The following FMN1 variants were observed in gnomAD, a reference collection of about 807,000 sequenced individuals.
FMN1 encodes formin-1.
FMN1 carries 110 observed loss-of-function variants against 132.4 expected under a neutral mutation model. That is an observed-to-expected ratio of 0.83 (90% CI 0.71 to 0.97). The LOEUF (loss-of-function observed/expected upper bound fraction) is 0.97. Among genes scored for constraint, FMN1 ranks in the 50% least tolerant of loss-of-function variants. FMN1 has a pLI of 0.00. For synonymous variants in FMN1, 722 were observed against 651.7 expected, an observed-to-expected ratio of 1.11 and a Z score of -1.64; for missense variants, 1,792 against 1,705.3, an observed-to-expected ratio of 1.05 and a Z score of -0.90.
At chr15:33,034,340 G>C (rs2036090331) in intron 6 of FMN1, among the ~76,000 whole-genome samples, 1 of 152,102 alleles carries the variant, frequency 6.6e-6, no homozygotes, top group African/African-American at 2.4e-5. Flanking sequence ...GGAGGCCAAG[G>C]GTTCCAGGAA....
chr15:33,067,853 C>T (rs1404243735), intron 5 of FMN1: 8 of 1,612,962 alleles, frequency 5.0e-6, no homozygotes, highest in Non-Finnish European at 6.8e-6. Flanking sequence ...TGACACATCA[C>T]TGCCATCCAG....
rs2060305981 is a variant in FMN1 at position 32,901,895 on chromosome 15, TAGAC to T, written c.3507+12_3507+15del. The T allele has an allele frequency of 6.3e-7, 1 of 1,592,100 alleles. No homozygotes were observed. The highest frequency in any genetic ancestry group is 8.5e-7 in the Non-Finnish European group (1 of 1,172,534). ...TTCAGAGCAAGGCTATCTTTTAAAT[TAGAC>T]AGTAAACATACCTTAGAAGCTCGCG... is the stretch of plus-strand genomic sequence containing the variant. On this transcript the variant is annotated intron_variant, in intron 13 of 20. Transcript: ENST00000616417.
intron 19 of FMN1, among the ~76,000 whole-genome samples, chr15:32,777,551 GTATAACA>G (rs1226967264): frequency 7.1e-6 from 1 of 140,778 alleles, no homozygotes; most frequent in Non-Finnish European, 1.5e-5. Flanking sequence ...TATATATTAC[GTATAACA>G]TATAACACTT....
intron 4 of FMN1, among the ~76,000 whole-genome samples, chr15:33,145,548 G>A (rs369996396): frequency 4.0e-5 from 6 of 151,576 alleles, no homozygotes; most frequent in South Asian, 4.2e-4. Flanking sequence ...TGGGGCTGGC[G>A]CAACAGAAAA....
chr15:32,965,948 C>T (rs867728800), intron 8 of FMN1, among the ~76,000 whole-genome samples: 33 of 152,236 alleles, frequency 2.2e-4, no homozygotes, highest in African/African-American at 6.5e-4. Context: ...ATAAGCACCA[C>T]GGATGTTAAG....
intron 10 of FMN1, among the ~76,000 whole-genome samples, chr15:32,912,739 A>T (rs2060592655): frequency 6.6e-6 from 1 of 151,738 alleles, no homozygotes; most frequent in African/African-American, 2.4e-5. Flanking sequence ...TTCAAGGTAT[A>T]GAAAAAAAAA....
chr15:33,031,876 CAAAT>C (rs1289243042), intron 6 of FMN1, among the ~76,000 whole-genome samples: 4 of 152,304 alleles, frequency 2.6e-5, no homozygotes, highest in South Asian at 2.1e-4. Flanking sequence ...TGTTGGTAAA[CAAAT>C]AAATATTGAT....
Position 33,154,534 on chromosome 15 carries a change from G to A in FMN1, c.381C>T (p.Ala127=). The A allele has an allele frequency of 6.5e-7, 1 of 1,536,066 alleles. No homozygotes were observed. Among genetic ancestry groups the A allele is most frequent in the South Asian group, 1.2e-5 (1 of 84,058 alleles). ...GKLQELSVSL[A]PEDDCFQSAG... ...CACTCTGGAAACAGTCATCCTCGGGGGCCAGGCTCACGGACAGCTCTTGCA... is the reference window on the plus strand; with the variant it reads ...CACTCTGGAAACAGTCATCCTCGGGAGCCAGGCTCACGGACAGCTCTTGCA... The change falls in exon 4 of 21, where the codon GCC becomes GCT. Residue 127 remains alanine, a synonymous_variant. Transcript: ENST00000616417.
chr15:32,814,210 C>G (rs1258797), intron 17 of FMN1, among the ~76,000 whole-genome samples: 111,729 of 152,082 alleles, frequency 0.73, 41,298 homozygotes, highest in East Asian at 1. Flanking sequence ...TAACTTATCA[C>G]CATTAATAGA....
intron 15 of FMN1, among the ~76,000 whole-genome samples, chr15:32,890,679 G>A (rs2060006043): frequency 6.6e-6 from 1 of 152,208 alleles, no homozygotes; most frequent in Admixed American, 6.5e-5. Context: ...CAGATGTATA[G>A]ATTGTAAAGA....
At chr15:32,960,539 T>A (rs529698719) in intron 9 of FMN1, among the ~76,000 whole-genome samples, 27 of 152,306 alleles carry the variant, frequency 1.8e-4, no homozygotes, top group African/African-American at 6.5e-4. Flanking sequence ...AACATTTTGA[T>A]CATGATTTTT....
intron 7 of FMN1, among the ~76,000 whole-genome samples, chr15:32,981,288 G>A (rs36097433): frequency 6.6e-6 from 1 of 151,778 alleles, no homozygotes; most frequent in Non-Finnish European, 1.5e-5. Flanking sequence ...TCAGGAGATT[G>A]AGACCATCCT....
rs1453927446 is a variant in FMN1 at position 33,158,232 on chromosome 15, A to G, written c.-131-3187T>C. 2.0e-5 allele frequency among the ~76,000 whole-genome samples: 3 copies of G among 152,266 alleles called. No homozygotes were observed. The East Asian group carries it at 5.8e-4, about 29-fold the overall frequency. On this transcript the variant is annotated intron_variant, in intron 3 of 20. Transcript: ENST00000616417. ...AAAGGCTATATCCTTTATGAGAATTACAGACATGTAGTGCCTGTTTACAGG... is the reference window on the plus strand; with the variant it reads ...AAAGGCTATATCCTTTATGAGAATTGCAGACATGTAGTGCCTGTTTACAGG...
rs1357718287 is a variant in FMN1 at position 33,154,363 on chromosome 15, G to A, written c.552C>T (p.Gly184=). 2.6e-6 allele frequency: 4 copies of A among 1,536,138 alleles called. No homozygotes were observed. Among genetic ancestry groups the A allele is most frequent in the East Asian group, 2.4e-5 (1 of 40,914 alleles). ...TGCCCATCAGAGGAGCTGATTCTCG[G>A]CCTCCACGCCCTTTTCTTTTGGTCC... is the stretch of plus-strand genomic sequence containing the variant. ...QKRTKRKGRG[G]RESAPLMGKD... Residue 184 remains glycine (G), a synonymous_variant, in exon 4 of 21, where the codon GGC becomes GGT. Coordinates refer to ENST00000616417, the MANE Select transcript of FMN1 (RefSeq NM_001277313.2).
chr15:32,793,565 G>C (rs998718953), intron 19 of FMN1, among the ~76,000 whole-genome samples: 1 of 152,186 alleles, frequency 6.6e-6, no homozygotes, highest in Non-Finnish European at 1.5e-5. Flanking sequence ...ACAGGCATGA[G>C]CCACTACGCC....
chr15:33,149,787 C>A (rs1964372226), intron 4 of FMN1: 1 of 984,600 alleles, frequency 1.0e-6, no homozygotes, highest in African/African-American at 1.7e-5. Flanking sequence ...CGTGACGCTT[C>A]TTTACAATTT....
intron 3 of FMN1, among the ~76,000 whole-genome samples, chr15:33,163,331 G>A (rs895530612): frequency 2.4e-4 from 35 of 147,946 alleles, no homozygotes; most frequent in African/African-American, 6.7e-4. Flanking sequence ...TTTCGCTCTC[G>A]TTGCCCAGGC....
intron 7 of FMN1, among the ~76,000 whole-genome samples, chr15:32,982,136 G>C (rs2032726698): frequency 6.6e-6 from 1 of 152,152 alleles, no homozygotes; most frequent in Admixed American, 6.5e-5. Flanking sequence ...CACATAAAAA[G>C]ATGTTCAACA....
chr15:32,828,607 C>T (rs1396715600), intron 17 of FMN1, among the ~76,000 whole-genome samples: 3 of 151,982 alleles, frequency 2.0e-5, no homozygotes, highest in Non-Finnish European at 4.4e-5. Context: ...ATCTACTGCA[C>T]TCTGCAGAGG....
Sources: gnomAD v4.1 joint callset for allele counts (sites outside exome capture counted in the v4.1 genomes callset) on GRCh38, gnomAD v4.1.1 for gene constraint, MANE v1.5 for transcripts, NCBI Gene and HGNC (gene_info 2026-07-23, HGNC 2026-07-21) for gene names.